Variants in UGT1A9 observed in about 807,000 individuals in gnomAD.
UGT1A9 encodes the protein UDP-glucuronosyltransferase 1A9.
In UGT1A9, 35 loss-of-function variants were observed where a neutral mutation model predicts 45.0. The observed-to-expected ratio is 0.78, with a 90% CI of 0.59 to 1.03. The LOEUF (loss-of-function observed/expected upper bound fraction) is 1.03, where lower values mean the gene tolerates loss of function less well. Among genes scored for constraint, UGT1A9 ranks in the 50% least tolerant of loss-of-function variants. The pLI is 0.00. For missense variants in UGT1A9, 687 were observed against 666.6 expected (o/e 1.03, Z -0.34); for synonymous variants, 278 against 250.6 (o/e 1.11, Z -1.03).
chr2:233,685,673 C>T (rs1460224775), intron 1 of UGT1A9, among the ~76,000 whole-genome samples: 1 of 152,178 alleles, frequency 6.6e-6, no homozygotes, highest in Admixed American at 6.5e-5. Flanking sequence ...ATAATGTGTA[C>T]CCATATAGCC....
At position 233,682,247 on chromosome 2, in the gene UGT1A9, A is replaced by G. The variant is rs758971346; in HGVS notation, c.855+9458A>G. 7.4e-6 allele frequency: 12 copies of G among 1,614,096 alleles called. No individual in the cohort carries two copies. The African/African-American group carries it at 1.5e-4, about 20-fold the overall frequency. Reference sequence around the variant, plus strand: ...TGCTCGCTGGACGGCACCATTGCGAAGTGCATTTTCTCTATTAACAAGTTC... The same window carrying G: ...TGCTCGCTGGACGGCACCATTGCGAGGTGCATTTTCTCTATTAACAAGTTC... On this transcript the variant is annotated intron_variant, in intron 1 of 4. Coordinates refer to ENST00000354728, the MANE Select transcript of UGT1A9 (RefSeq NM_021027.3).
At position 233,772,405 on chromosome 2, in the gene UGT1A9, G is replaced by T. The variant is rs1176419046; in HGVS notation, c.1439G>T (p.Trp480Leu). Residue 480 changes from tryptophan to leucine, a missense_variant, in exon 5 of 5, where the codon TGG (tryptophan) becomes TTG (leucine). Coordinates refer to ENST00000354728, the MANE Select transcript of UGT1A9 (RefSeq NM_021027.3). ...CGCCCCGCAGCCCACGACCTCACCT[G>T]GTACCAGTACCATTCCTTGGACGTG... ...HLRPAAHDLTWYQYHSLDVIG... is the reference protein window; with the variant it reads ...HLRPAAHDLTLYQYHSLDVIG... 1.2e-6 allele frequency: 2 copies of T among 1,614,224 alleles called. No individual in the cohort carries two copies. Among genetic ancestry groups the T allele is most frequent in the South Asian group, 1.1e-5 (1 of 91,090 alleles).
chr2:233,672,436 T>C lies in UGT1A9; in HGVS notation c.502T>C (p.Phe168Leu). The C allele has an allele frequency of 6.2e-7, 1 of 1,614,006 alleles. No individual in the cohort carries two copies. Among genetic ancestry groups the C allele is most frequent in the Non-Finnish European group, 8.5e-7 (1 of 1,179,872 alleles). ...AKYFSLPSVV[F>L]ARGILCHYLE... ...ATATTTCTCCCTCCCCTCCGTGGTC[T>C]TCGCCAGGGGAATACTTTGCCACTA... is the stretch of plus-strand genomic sequence containing the variant. Residue 168 changes from phenylalanine (F) to leucine (L), a missense_variant, in exon 1 of 5, where the codon TTC (phenylalanine) becomes CTC (leucine). Phe to Leu is a conservative substitution (Grantham distance 22, BLOSUM62 0). Coordinates refer to ENST00000354728, the MANE Select transcript of UGT1A9 (RefSeq NM_021027.3).
At chr2:233,691,252 A>G in intron 1 of UGT1A9, 1 of 985,544 alleles carries the variant, frequency 1.0e-6, no homozygotes, top group South Asian at 4.7e-5. Context: ...ATGAACTCAA[A>G]GCAAGATGCT....
chr2:233,729,365 A>G, intron 1 of UGT1A9: 4 of 1,614,132 alleles, frequency 2.5e-6, no homozygotes, highest in African/African-American at 2.7e-5. Flanking sequence ...CTGACAACCT[A>G]TGCCATTTCG....
At chr2:233,744,255 T>C (rs1692752332) in intron 1 of UGT1A9, among the ~76,000 whole-genome samples, 1 of 151,806 alleles carries the variant, frequency 6.6e-6, no homozygotes, top group African/African-American at 2.4e-5. Flanking sequence ...CCTGAAGAAC[T>C]GTTTTTCTTA....
chr2:233,728,946 G>T (rs1229319811), intron 1 of UGT1A9, among the ~76,000 whole-genome samples: 2 of 148,876 alleles, frequency 1.3e-5, no homozygotes, highest in Non-Finnish European at 2.9e-5. Context: ...TCCAGGGTGG[G>T]GCCCACAGTG....
intron 3 of UGT1A9, 76 bp from the exon 4 acceptor site, chr2:233,768,144 T>C: frequency 6.2e-7 from 1 of 1,610,934 alleles, no homozygotes; most frequent in Non-Finnish European, 8.5e-7. Context: ...CTTTGGAGTG[T>C]TTTCAGAACC....
At chr2:233,766,342 AGTGGCCTGCC>A (rs1699121690) in intron 1 of UGT1A9, among the ~76,000 whole-genome samples, 1 of 152,026 alleles carries the variant, frequency 6.6e-6, no homozygotes, top group Non-Finnish European at 1.5e-5. Flanking sequence ...TCTGCTGGTC[AGTGGCCTGCC>A]GGTGCCTGTT....
chr2:233,693,613 G>C (rs771123027), intron 1 of UGT1A9: 1 of 1,614,196 alleles, frequency 6.2e-7, no homozygotes, highest in South Asian at 1.1e-5. Flanking sequence ...CAGACCACAT[G>C]ACTTTTTCCC....
At chr2:233,735,562 T>C (rs1021326585) in intron 1 of UGT1A9, among the ~76,000 whole-genome samples, 3 of 152,204 alleles carry the variant, frequency 2.0e-5, no homozygotes, top group Non-Finnish European at 4.4e-5. Context: ...TATGGTGTTA[T>C]CGGGTTATTT....
chr2:233,756,397 G>C (rs553407927), intron 1 of UGT1A9: 1 of 151,856 alleles, frequency 6.6e-6, no homozygotes. Flanking sequence ...TACAGTATTG[G>C]TTTTTTATTT....
At chr2:233,719,982 G>A (rs2076818942) in intron 1 of UGT1A9, among the ~76,000 whole-genome samples, 1 of 152,176 alleles carries the variant, frequency 6.6e-6, no homozygotes, top group South Asian at 2.1e-4. Flanking sequence ...AGCTCGGCAG[G>A]ATCAGGGACA....
intron 1 of UGT1A9, chr2:233,713,073 A>G (rs2076276099): frequency 1.2e-6 from 2 of 1,614,110 alleles, no homozygotes; most frequent in African/African-American, 2.7e-5. Flanking sequence ...CTGGGCTGAG[A>G]GTGGGAAGGT....
intron 1 of UGT1A9, chr2:233,719,156 A>C (rs751674220): frequency 1.2e-6 from 2 of 1,614,236 alleles, no homozygotes; most frequent in Non-Finnish European, 1.7e-6. Context: ...GATATTCTAG[A>C]AGTATGGCAA....
At chr2:233,734,694 A>G (rs1291043334) in intron 1 of UGT1A9, among the ~76,000 whole-genome samples, 5 of 149,240 alleles carry the variant, frequency 3.4e-5, no homozygotes, top group Non-Finnish European at 7.3e-5. Flanking sequence ...AATGTGTCCC[A>G]GAGATTCTGG....
chr2:233,734,415 TTTC>T (rs2078522932), intron 1 of UGT1A9, among the ~76,000 whole-genome samples: 1 of 152,160 alleles, frequency 6.6e-6, no homozygotes, highest in African/African-American at 2.4e-5. Context: ...TCTTCTCTCT[TTTC>T]TTCTTTATTA....
chr2:233,699,498 C>A (rs899655583), intron 1 of UGT1A9, among the ~76,000 whole-genome samples: 2 of 152,166 alleles, frequency 1.3e-5, no homozygotes, highest in African/African-American at 4.8e-5. Flanking sequence ...ACTTGTAATA[C>A]AAAGAACTGT....
At chr2:233,718,637 T>A in intron 1 of UGT1A9, 1 of 1,451,650 alleles carries the variant, frequency 6.9e-7, no homozygotes, top group Non-Finnish European at 9.3e-7. Context: ...TTTCCCAGGG[T>A]TGGGCCCATA....
Sources: allele counts gnomAD v4.1 joint callset (sites outside exome capture counted in the v4.1 genomes callset), GRCh38; gene constraint gnomAD v4.1.1; transcripts MANE v1.5; gene names NCBI Gene and HGNC (gene_info 2026-07-23, HGNC 2026-07-21).